Variants in PLD5 observed in about 807,000 individuals in gnomAD.
PLD5 encodes inactive phospholipase D5.
PLD5 carries 36 observed loss-of-function variants against 61.1 expected under a neutral mutation model. The observed-to-expected ratio is 0.59, with a 90% CI of 0.45 to 0.78. PLD5 has a LOEUF of 0.78. Ranked by LOEUF, PLD5 falls within the 30% of genes least tolerant of loss-of-function variation. The pLI is 0.00. For synonymous variants in PLD5, 243 were observed against 242.8 expected (o/e 1.00, Z -0.01); for missense variants, 515 against 644.4 (o/e 0.80, Z 2.17).
chr1:242,291,742 G>A (rs1675380503), intron 2 of PLD5, among the ~76,000 whole-genome samples: 1 of 152,146 alleles, frequency 6.6e-6, no homozygotes, highest in African/African-American at 2.4e-5. Context: ...GGGAGGTGGA[G>A]CTTGCAGTGA....
chr1:242,315,703 C>T (rs1295773147), intron 2 of PLD5, among the ~76,000 whole-genome samples: 2 of 152,064 alleles, frequency 1.3e-5, no homozygotes, highest in Non-Finnish European at 2.9e-5. Context: ...ATTTGGACTT[C>T]TGAGCTCAAG....
intron 1 of PLD5, among the ~76,000 whole-genome samples, chr1:242,476,342 T>A (rs1667595913): frequency 6.7e-6 from 1 of 148,360 alleles, no homozygotes; most frequent in South Asian, 2.1e-4. Flanking sequence ...GCGATGAGAG[T>A]GAAACTCCGT....
chr1:242,111,196 A>G (rs997114008), intron 7 of PLD5, among the ~76,000 whole-genome samples: 1 of 151,972 alleles, frequency 6.6e-6, no homozygotes, highest in African/African-American at 2.4e-5. Flanking sequence ...AGCTGGGATT[A>G]TAGGTGTCTG....
At chr1:242,177,057 C>A (rs934262284) in intron 5 of PLD5, among the ~76,000 whole-genome samples, 4 of 152,200 alleles carry the variant, frequency 2.6e-5, no homozygotes, top group Non-Finnish European at 2.9e-5. Context: ...CCATTTAACC[C>A]AACAATCCCA....
intron 5 of PLD5, among the ~76,000 whole-genome samples, chr1:242,139,048 A>G (rs1035868808): frequency 6.6e-6 from 1 of 152,164 alleles, no homozygotes; most frequent in Non-Finnish European, 1.5e-5. Context: ...GCAGACCTGA[A>G]TGCTGGAGAG....
Position 242,256,800 on chromosome 1 carries a change from ATATC to A in PLD5, c.607+8533_607+8536del, listed in dbSNP as rs1168470245. ...TATCTATCTATCTATCTATCTATTAATATCTATCTTTCTATGTATCTGTCATCTA... is the reference window on the plus strand; with the variant it reads ...TATCTATCTATCTATCTATCTATTAATATCTTTCTATGTATCTGTCATCTA... On this transcript the variant is annotated intron_variant, in intron 4 of 9. Transcript: ENST00000536534. This position sits in a 1 kb window ranked among gnomAD's most constrained non-coding sequence, Gnocchi z 5.7. Among the ~76,000 whole-genome samples, 17 of 149,742 alleles carry A rather than the reference ATATC, an allele frequency of 1.1e-4. No homozygotes were observed. The highest frequency in any genetic ancestry group is 2.1e-4 in the Non-Finnish European group (14 of 67,426).
chr1:242,524,058 C>T lies in PLD5; in HGVS notation c.189+30G>A, dbSNP rs1375722042. ...GAGGGTGCATGCGGCAGGTGCCTGG[C>T]CGAGGCCCCCGGGAGCGAGTCGCCC... On this transcript the variant is annotated intron_variant, in intron 1 of 9. Transcript: ENST00000536534. The T allele has an allele frequency of 2.6e-6, 4 of 1,524,118 alleles. No individual in the cohort carries two copies. The African/African-American group carries it at 5.6e-5, about 21-fold the overall frequency. 94.4% of individuals were successfully genotyped at this position (1,524,118 alleles called of 1,614,324 possible).
intron 4 of PLD5, among the ~76,000 whole-genome samples, chr1:242,241,744 T>C (rs1320139452): frequency 6.8e-6 from 1 of 147,624 alleles, no homozygotes; most frequent in East Asian, 2.0e-4. Flanking sequence ...GCCAGCCCAC[T>C]AATTTATTCA....
intron 2 of PLD5, among the ~76,000 whole-genome samples, chr1:242,310,142 G>A (rs1233849582): frequency 1.3e-5 from 2 of 152,086 alleles, no homozygotes. Flanking sequence ...GTCAGCAGCA[G>A]CAATTGTACA....
At chr1:242,113,556 AT>A (rs889388501) in intron 7 of PLD5, among the ~76,000 whole-genome samples, 20 of 152,110 alleles carry the variant, frequency 1.3e-4, no homozygotes, top group African/African-American at 4.3e-4. Context: ...TCAAATGATA[AT>A]TTTTTTCATA....
intron 4 of PLD5, among the ~76,000 whole-genome samples, chr1:242,260,458 A>T (rs1278431944): frequency 6.6e-6 from 1 of 152,024 alleles, no homozygotes; most frequent in Non-Finnish European, 1.5e-5. Context: ...TTTCAATGAC[A>T]ATCTCACATC....
intron 9 of PLD5, among the ~76,000 whole-genome samples, chr1:242,097,058 G>C (rs1445663961): frequency 6.6e-6 from 1 of 152,120 alleles, no homozygotes; most frequent in Admixed American, 6.5e-5. Flanking sequence ...CTTCATCCAT[G>C]TCCCTACAAA....
At chr1:242,213,198 G>GA (rs35035631) in intron 5 of PLD5, among the ~76,000 whole-genome samples, 2 of 152,226 alleles carry the variant, frequency 1.3e-5, no homozygotes, top group East Asian at 1.9e-4. Context: ...GAACAGGACA[G>GA]AAAAAAATTT....
At chr1:242,370,271 G>A (rs1217608412) in intron 1 of PLD5, among the ~76,000 whole-genome samples, 1 of 152,186 alleles carries the variant, frequency 6.6e-6, no homozygotes, top group Non-Finnish European at 1.5e-5. Flanking sequence ...CATGAGGCAA[G>A]AGAAGAAAAA....
intron 1 of PLD5, among the ~76,000 whole-genome samples, chr1:242,406,972 T>C (rs1664265386): frequency 6.6e-6 from 1 of 152,174 alleles, no homozygotes; most frequent in African/African-American, 2.4e-5. Flanking sequence ...GTTTCTGCAA[T>C]GACTTTAAAG....
At chr1:242,418,359 C>A (rs1325842565) in intron 1 of PLD5, among the ~76,000 whole-genome samples, 1 of 152,112 alleles carries the variant, frequency 6.6e-6, no homozygotes, top group African/African-American at 2.4e-5. Flanking sequence ...ACAAAGTAAG[C>A]ATCAAACGAA....
At chr1:242,364,022 A>C (rs1483771059) in intron 1 of PLD5, among the ~76,000 whole-genome samples, 1 of 152,158 alleles carries the variant, frequency 6.6e-6, no homozygotes, top group Non-Finnish European at 1.5e-5. Flanking sequence ...TATAATGGCC[A>C]AAAGTATCAA....
intron 3 of PLD5, among the ~76,000 whole-genome samples, chr1:242,272,258 A>G (rs1341673945): frequency 2.6e-5 from 4 of 152,326 alleles, no homozygotes; most frequent in African/African-American, 7.2e-5. Context: ...AACTAAATAT[A>G]TAAAGCAAAA....
At chr1:242,339,087 T>C (rs1393329070) in intron 2 of PLD5, among the ~76,000 whole-genome samples, 1 of 152,220 alleles carries the variant, frequency 6.6e-6, no homozygotes, top group African/African-American at 2.4e-5. Context: ...CTCATAATTC[T>C]CGGTTTGATC....
Sources: allele counts gnomAD v4.1 joint callset (sites outside exome capture counted in the v4.1 genomes callset), GRCh38; gene constraint gnomAD v4.1.1; non-coding constraint Gnocchi (gnomAD v3.1); transcripts MANE v1.5; gene names NCBI Gene and HGNC (gene_info 2026-07-23, HGNC 2026-07-21).